The following LRRCC1 variants were observed in gnomAD, a reference collection of about 807,000 sequenced individuals.
The protein encoded by LRRCC1 is leucine-rich repeat and coiled-coil domain-containing protein 1.
Under a neutral mutation model 126.0 loss-of-function variants are expected in LRRCC1, and 115 were observed. The observed-to-expected ratio is 0.91, with a 90% CI of 0.78 to 1.07. The LOEUF (loss-of-function observed/expected upper bound fraction) is 1.07, where lower values mean the gene tolerates loss of function less well. LRRCC1 is among the 50% of genes least tolerant of loss of function. The probability of loss-of-function intolerance (pLI) is 0.00; values close to 1 mark genes in which losing one functional copy is unlikely to be tolerated. For synonymous variants in LRRCC1, 400 were observed against 393.4 expected (o/e 1.02, Z -0.20); for missense variants, 1,172 against 1,175.7 (o/e 1.00, Z 0.05).
chr8:85,115,951 T>C (rs1809089563), intron 6 of LRRCC1, among the ~76,000 whole-genome samples: 1 of 152,252 alleles, frequency 6.6e-6, no homozygotes, highest in African/African-American at 2.4e-5. Context: ...TACTATCTCT[T>C]CAGTGGTTTA....
intron 8 of LRRCC1, among the ~76,000 whole-genome samples, chr8:85,125,188 A>G (rs1406606598): frequency 6.6e-6 from 1 of 152,192 alleles, no homozygotes; most frequent in Non-Finnish European, 1.5e-5. Flanking sequence ...AGAAACAGTT[A>G]TGAATTTTTT....
At chr8:85,111,869 T>C (rs1371263702) in intron 3 of LRRCC1, among the ~76,000 whole-genome samples, 1 of 151,494 alleles carries the variant, frequency 6.6e-6, no homozygotes, top group East Asian at 1.9e-4. Context: ...GGGAAGGAGT[T>C]TTGTTTTTTT....
intron 17 of LRRCC1, among the ~76,000 whole-genome samples, chr8:85,139,417 A>G (rs1811103887): frequency 1.3e-5 from 2 of 152,142 alleles, no homozygotes; most frequent in South Asian, 4.1e-4. Context: ...GGCATGCACC[A>G]CAACGCCCAG....
At chr8:85,111,342 A>C (rs1287295855) in intron 3 of LRRCC1, among the ~76,000 whole-genome samples, 1 of 152,222 alleles carries the variant, frequency 6.6e-6, no homozygotes, top group Non-Finnish European at 1.5e-5. Context: ...GCAGCATTGC[A>C]CTCCAGCCTG....
chr8:85,126,803 G>T lies in LRRCC1; in HGVS notation c.1387G>T (p.Asp463Tyr), dbSNP rs1271785709. The T allele has an allele frequency of 2.5e-6, 4 of 1,612,210 alleles. No individual in the cohort carries two copies. In the South Asian group the frequency reaches 3.3e-5, roughly 13 times the overall value. ...GCATAAACATGCAAATGAAAAAGAG[G>T]ATATTCATAGTCTGGCTCTACTTAC... ...ELHKHANEKE[D>Y]IHSLALLTTD... The change falls in exon 9 of 19, where the codon GAT (aspartate) becomes TAT (tyrosine). Residue 463 changes from aspartate to tyrosine, a missense_variant. Physicochemically the swap from Asp to Tyr is radical, Grantham distance 160 (BLOSUM62 -3). Transcript: ENST00000360375.
intron 7 of LRRCC1, among the ~76,000 whole-genome samples, chr8:85,124,153 A>G (rs1809781265): frequency 6.6e-6 from 1 of 152,140 alleles, no homozygotes; most frequent in Non-Finnish European, 1.5e-5. Context: ...GTACTTTCAT[A>G]ATTGGGATCA....
At chr8:85,138,854 G>A (rs1029633124) in intron 17 of LRRCC1, among the ~76,000 whole-genome samples, 9 of 152,068 alleles carry the variant, frequency 5.9e-5, no homozygotes, top group African/African-American at 1.9e-4. Context: ...AGACTAGCCT[G>A]GCCAACACGA....
chr8:85,132,365 T>C (rs993890833), intron 12 of LRRCC1, among the ~76,000 whole-genome samples: 3 of 148,420 alleles, frequency 2.0e-5, no homozygotes, highest in Non-Finnish European at 4.5e-5. Context: ...AAAGCACAGT[T>C]GAGTACTTTC....
In LRRCC1 at chr8:85,112,919, G is replaced by C. The variant is rs771125291; in HGVS notation, c.377-13G>C. On this transcript the variant is annotated splice_polypyrimidine_tract_variant and intron_variant, in intron 3 of 18. Transcript: ENST00000360375. ...ATTGCTGTGGCATTTAAAGAATTAT[G>C]TTCCTATTGCAGGATTGATTCCCCT... 1.3e-5 allele frequency: 20 copies of C among 1,537,914 alleles called. No individual in the cohort carries two copies. The highest frequency in any genetic ancestry group is 1.8e-5 in the Non-Finnish European group (20 of 1,138,510).
In LRRCC1 at chr8:85,131,958, A is replaced by G. The variant is rs749071640; in HGVS notation, c.1965A>G (p.Gln655=). Residue 655 remains glutamine, a synonymous_variant, in exon 12 of 19, where the codon CAA becomes CAG. Transcript: ENST00000360375. ...TAACTGTTGAAGCCAGAAGATTTCA[A>G]GATGTAAGAATTGGCACCCAGCTTT... The part of the protein sequence containing the change: ...IALTVEARRF[Q]DVKDGFENVA... 1 of 1,607,876 alleles carries G rather than the reference A, an allele frequency of 6.2e-7. No homozygotes were observed. The highest frequency in any genetic ancestry group is 2.2e-5 in the East Asian group (1 of 44,762).
chr8:85,132,073 A>G (rs1587423993), intron 12 of LRRCC1, 112 bp downstream of exon 12: 1 of 841,076 alleles, frequency 1.2e-6, no homozygotes, highest in African/African-American at 1.7e-5. Flanking sequence ...CATAATCTTA[A>G]GTAAAATATA....
Position 85,137,539 on chromosome 8 carries a change from G to T in LRRCC1, c.2405G>T (p.Arg802Leu), listed in dbSNP as rs779167117. Residue 802 changes from arginine to leucine, a missense_variant, in exon 15 of 19, where the codon CGA becomes CTA. Physicochemically the swap from Arg to Leu is moderately radical, Grantham distance 102. Transcript: ENST00000360375. The part of the protein sequence containing the change: ...ESLSRENECL[R>L]KTNESDSDAL... Reference sequence around the variant, plus strand: ...TTATCTAGAGAGAATGAATGTCTGCGAAAGACAAATGAAAGTGATAGTGAT... The same window carrying T: ...TTATCTAGAGAGAATGAATGTCTGCTAAAGACAAATGAAAGTGATAGTGAT... 30 of 1,565,404 alleles carry T rather than the reference G, an allele frequency of 1.9e-5. No individual in the cohort carries two copies. The highest frequency in any genetic ancestry group is 2.6e-5 in the Non-Finnish European group (30 of 1,160,578).
intron 14 of LRRCC1, among the ~76,000 whole-genome samples, 161 bp from the exon 15 acceptor site, chr8:85,137,302 CT>C (rs1810941224): frequency 6.6e-6 from 1 of 152,064 alleles, no homozygotes; most frequent in South Asian, 2.1e-4. Context: ...TTTAAGAGGC[CT>C]TTTTGTTTGC....
chr8:85,145,151 C>G (rs1264811585), intron 18 of LRRCC1, among the ~76,000 whole-genome samples: 1 of 147,640 alleles, frequency 6.8e-6, no homozygotes, highest in South Asian at 2.2e-4. Flanking sequence ...GTCTTTTTCA[C>G]AAGTTTATGA....
rs778118808 is a variant in LRRCC1 at position 85,107,923 on chromosome 8, T to A, written c.104+524T>A. Reference sequence around the variant, plus strand: ...TTACAGAACATTGCAATACATATATTCATATACTTTTTGAAAGTACTAAAC... The same window carrying A: ...TTACAGAACATTGCAATACATATATACATATACTTTTTGAAAGTACTAAAC... On this transcript the variant is annotated intron_variant, in intron 1 of 18. Transcript: ENST00000360375. Among the ~76,000 whole-genome samples, 155 of 152,246 alleles carry A rather than the reference T, an allele frequency of 1.0e-3. 4 individuals are homozygous for A. Among genetic ancestry groups the A allele is most frequent in the Non-Finnish European group, 2.6e-4 (18 of 68,040 alleles).
At chr8:85,143,547 G>A (rs1811414969) in intron 18 of LRRCC1, among the ~76,000 whole-genome samples, 1 of 152,072 alleles carries the variant, frequency 6.6e-6, no homozygotes, top group Non-Finnish European at 1.5e-5. Context: ...GCTGAGATGG[G>A]AGGATTGCTT....
intron 1 of LRRCC1, chr8:85,109,367 C>T (rs1252516159): frequency 3.9e-6 from 2 of 511,330 alleles, no homozygotes; most frequent in South Asian, 3.1e-5. Context: ...CCCACTGTCA[C>T]TTGCCTGCCT....
chr8:85,131,497 C>T (rs947941169), intron 11 of LRRCC1, among the ~76,000 whole-genome samples: 1 of 152,186 alleles, frequency 6.6e-6, no homozygotes, highest in African/African-American at 2.4e-5. Flanking sequence ...TGAAGAATTT[C>T]TGAAGCCATA....
chr8:85,109,519 C>A, intron 1 of LRRCC1, 76 bp from the exon 2 acceptor site: 2 of 777,858 alleles, frequency 2.6e-6, no homozygotes, highest in Non-Finnish European at 4.2e-6. Flanking sequence ...TTAGTATCTA[C>A]GTGCTGTTTG....
Sources: allele counts gnomAD v4.1 joint callset (sites outside exome capture counted in the v4.1 genomes callset), GRCh38; gene constraint gnomAD v4.1.1; transcripts MANE v1.5; gene names NCBI Gene and HGNC (gene_info 2026-07-23, HGNC 2026-07-21).